Variants in APIP observed in about 807,000 individuals in gnomAD.
APIP encodes the protein APAF1 interacting protein.
A neutral mutation model predicts 32.0 loss-of-function variants in APIP; 32 were observed. The ratio of observed to expected loss-of-function variants is 1.00; its 90% CI spans 0.76 to 1.34. The LOEUF (loss-of-function observed/expected upper bound fraction) is 1.34, where lower values mean the gene tolerates loss of function less well. Among genes scored for constraint, APIP ranks in the 40% most tolerant of loss-of-function variants. The pLI is 0.00. For missense variants in APIP, 247 were observed against 298.6 expected, an observed-to-expected ratio of 0.83 and a Z score of 1.27; for synonymous variants, 92 against 94.8, an observed-to-expected ratio of 0.97 and a Z score of 0.17.
chr11:34,912,885 C>T (rs532444167), intron 1 of APIP, among the ~76,000 whole-genome samples: 1 of 152,316 alleles, frequency 6.6e-6, no homozygotes, highest in South Asian at 2.1e-4. Context: ...GCTAAATACA[C>T]TCAGTGTATA....
chr11:34,907,518 CAA>C (rs1853478192), intron 1 of APIP, among the ~76,000 whole-genome samples: 1 of 152,094 alleles, frequency 6.6e-6, no homozygotes, highest in Non-Finnish European at 1.5e-5. Context: ...ATTAAAATTT[CAA>C]AGAGATTATC....
chr11:34,892,498 T>C (rs1853199637), intron 2 of APIP, among the ~76,000 whole-genome samples: 2 of 150,876 alleles, frequency 1.3e-5, no homozygotes, highest in South Asian at 4.2e-4. Flanking sequence ...ACTTTATTAA[T>C]TGTAGTCCTA....
chr11:34,891,606 C>T (rs1853187416), intron 2 of APIP, among the ~76,000 whole-genome samples: 1 of 152,062 alleles, frequency 6.6e-6, no homozygotes, highest in Non-Finnish European at 1.5e-5. Context: ...AGGCTTGGAA[C>T]CGATAAAAAT....
At position 34,895,077 on chromosome 11, in the gene APIP, G is replaced by A; in HGVS notation, c.91C>T (p.Leu31Phe). Residue 31 changes from leucine to phenylalanine, a missense_variant, in exon 2 of 7, where the codon CTT becomes TTT. Physicochemically the swap from Leu to Phe is conservative, Grantham distance 22 (BLOSUM62 0). Coordinates refer to ENST00000395787, the MANE Select transcript of APIP (RefSeq NM_015957.4). ...CCTAAATGGTAAAACTGTTTGCAAA[G>A]TTCTGGGATCAGGTATCTTGGATGC... The part of the protein sequence containing the change: ...KEHPRYLIPE[L>F]CKQFYHLGWV... 1.2e-6 allele frequency: 2 copies of A among 1,614,082 alleles called. No homozygotes were observed. Among genetic ancestry groups the A allele is most frequent in the Non-Finnish European group, 1.7e-6 (2 of 1,179,974 alleles).
At chr11:34,885,561 C>T (rs547081576) in intron 5 of APIP, among the ~76,000 whole-genome samples, 6 of 152,192 alleles carry the variant, frequency 3.9e-5, no homozygotes, top group Admixed American at 6.5e-5. Context: ...AAAGAGATAA[C>T]GAGAAATGGG....
chr11:34,905,769 C>T (rs1186905907), intron 1 of APIP, among the ~76,000 whole-genome samples: 1 of 152,106 alleles, frequency 6.6e-6, no homozygotes, highest in African/African-American at 2.4e-5. Flanking sequence ...AAGTAACCAC[C>T]TTGACTATAT....
At chr11:34,895,203 G>T in intron 1 of APIP, 93 bp from the exon 2 acceptor site, 2 of 1,090,646 alleles carry the variant, frequency 1.8e-6, no homozygotes, top group Non-Finnish European at 2.8e-6. Context: ...ATTTAAGAAA[G>T]TTTAAGAAAA....
At chr11:34,897,149 T>G (rs1482088998) in intron 1 of APIP, among the ~76,000 whole-genome samples, 1 of 152,246 alleles carries the variant, frequency 6.6e-6, no homozygotes, top group Non-Finnish European at 1.5e-5. Flanking sequence ...TTAGTGCTAA[T>G]GTTCTACTTA....
At chr11:34,908,636 T>C (rs976285433) in intron 1 of APIP, among the ~76,000 whole-genome samples, 1 of 152,238 alleles carries the variant, frequency 6.6e-6, no homozygotes, top group African/African-American at 2.4e-5. Flanking sequence ...AAGTCAGTGA[T>C]ACTTTCTGGG....
intron 5 of APIP, among the ~76,000 whole-genome samples, chr11:34,885,606 T>C (rs1209683864): frequency 1.3e-5 from 2 of 152,154 alleles, no homozygotes; most frequent in Non-Finnish European, 2.9e-5. Flanking sequence ...TCGGCCACTT[T>C]GGTTCACAGC....
chr11:34,883,612 G>T, intron 5 of APIP, 108 bp from the exon 6 acceptor site: 1 of 1,078,004 alleles, frequency 9.3e-7, no homozygotes. Flanking sequence ...GTTTGTGTCT[G>T]AAAAGCCACT....
intron 1 of APIP, among the ~76,000 whole-genome samples, chr11:34,896,382 C>T (rs542746650): frequency 2.0e-5 from 3 of 151,148 alleles, no homozygotes; most frequent in Admixed American, 2.0e-4. Context: ...CAATGGAATA[C>T]TATGCAGCCA....
At chr11:34,884,730 AAAAGAAAAAAGTATCCTT>A (rs1279372356) in intron 5 of APIP, among the ~76,000 whole-genome samples, 7 of 141,650 alleles carry the variant, frequency 4.9e-5, no homozygotes, top group Non-Finnish European at 8.3e-5. Context: ...TCTCAAAAAA[AAAAGAAAAAAGTATCCTT>A]AAATATTGAA....
In APIP at chr11:34,888,766, G is replaced by A; in HGVS notation, c.311C>T (p.Ala104Val). The A allele has an allele frequency of 6.5e-7, 1 of 1,528,776 alleles. No individual in the cohort carries two copies. The highest frequency in any genetic ancestry group is 8.7e-7 in the Non-Finnish European group (1 of 1,150,078). The allele number at this position is 1,528,776 out of a possible 1,614,324, so 94.7% of individuals were successfully genotyped here. A position where few individuals can be genotyped will look rare whatever the true frequency, so the allele number is the denominator to read the frequency against. ...TTTCTGCATACCTCTCATTGTGTAA[G>A]CATTCATGAAAAGAGGAGTACACTG... ...KSQCTPLFMN[A>V]YTMRGAGAVI... The change falls in exon 4 of 7, where the codon GCT becomes GTT. Residue 104 changes from alanine (A) to valine (V), a missense_variant. Physicochemically the swap from Ala to Val is moderately conservative, Grantham distance 64. Coordinates refer to ENST00000395787, the MANE Select transcript of APIP (RefSeq NM_015957.4).
chr11:34,894,994 G>A lies in APIP; in HGVS notation c.158+16C>T, dbSNP rs765529205. On this transcript the variant is annotated intron_variant, in intron 2 of 6. Coordinates refer to ENST00000395787, the MANE Select transcript of APIP (RefSeq NM_015957.4). Reference sequence around the variant, plus strand: ...AAATGGAGAGTTCCCAGTAATAAAGGCTGCCAGAAACTTACCCATGCTTCA... The same window carrying A: ...AAATGGAGAGTTCCCAGTAATAAAGACTGCCAGAAACTTACCCATGCTTCA... The A allele has an allele frequency of 3.1e-6, 5 of 1,602,044 alleles. No individual in the cohort carries two copies.
At chr11:34,910,313 C>A (rs920351957) in intron 1 of APIP, among the ~76,000 whole-genome samples, 1 of 152,162 alleles carries the variant, frequency 6.6e-6, no homozygotes, top group African/African-American at 2.4e-5. Flanking sequence ...GAAGCAAGAT[C>A]GCAGTGAGCT....
chr11:34,888,189 A>T, intron 5 of APIP, 104 bp downstream of exon 5: 2 of 1,106,340 alleles, frequency 1.8e-6, no homozygotes, highest in Non-Finnish European at 2.5e-6. Context: ...TTTAACACAG[A>T]TCCCACGACA....
chr11:34,887,721 G>A (rs1012849155), intron 5 of APIP, among the ~76,000 whole-genome samples: 14 of 152,032 alleles, frequency 9.2e-5, no homozygotes, highest in South Asian at 2.1e-4. Context: ...TCTTCCTGCC[G>A]TTATATTCTA....
chr11:34,911,842 C>A (rs1042422598), intron 1 of APIP, among the ~76,000 whole-genome samples: 9 of 152,082 alleles, frequency 5.9e-5, no homozygotes, highest in Admixed American at 5.2e-4. Flanking sequence ...TCTATACTTG[C>A]AAAATACTTT....
Sources: allele counts gnomAD v4.1 joint callset (sites outside exome capture counted in the v4.1 genomes callset), GRCh38; gene constraint gnomAD v4.1.1; transcripts MANE v1.5; gene names NCBI Gene and HGNC (gene_info 2026-07-23, HGNC 2026-07-21).